GSG1L: variants seen among roughly 807,000 people sequenced by gnomAD.
GSG1L encodes the protein GSG1 like.
A neutral mutation model predicts 42.1 loss-of-function variants in GSG1L; 24 were observed. The observed-to-expected ratio is 0.57, with a 90% CI of 0.41 to 0.80. The LOEUF is 0.80. Among genes scored for constraint, GSG1L ranks in the 30% least tolerant of loss-of-function variants. GSG1L has a pLI of 0.00. For missense variants in GSG1L, 445 were observed against 472.2 expected, an observed-to-expected ratio of 0.94 and a Z score of 0.53; for synonymous variants, 215 against 203.5, an observed-to-expected ratio of 1.06 and a Z score of -0.48.
intron 3 of GSG1L, among the ~76,000 whole-genome samples, chr16:27,865,566 TATATATAC>T (rs1364011310): frequency 0.074 from 1,407 of 19,060 alleles, 104 homozygotes; most frequent in South Asian, 0.11. Flanking sequence ...TATATATATA[TATATATAC>T]ACACACACAT....
At chr16:27,958,498 A>G (rs2085032186) in intron 2 of GSG1L, among the ~76,000 whole-genome samples, 1 of 151,968 alleles carries the variant, frequency 6.6e-6, no homozygotes, top group African/African-American at 2.4e-5. Context: ...GACAAGTTCT[A>G]TGTACTGACA....
At chr16:27,862,926 AG>A (rs1233041484) in intron 3 of GSG1L, among the ~76,000 whole-genome samples, 4 of 151,628 alleles carry the variant, frequency 2.6e-5, no homozygotes. Context: ...TATATTCTCT[AG>A]GGTTTTTTTT....
intron 1 of GSG1L, among the ~76,000 whole-genome samples, chr16:28,043,951 A>G (rs529641235): frequency 6.6e-6 from 1 of 152,070 alleles, no homozygotes; most frequent in East Asian, 1.9e-4. Context: ...GAGCCCAGGA[A>G]GTCAAGGCTG....
In GSG1L at chr16:27,790,015, A is replaced by ATGGC. The variant is rs1262412356; in HGVS notation, c.*1354_*1355insGCCA. The stretch of plus-strand genomic sequence containing the variant: ...AGATGCTGGATGGATGGATGGATGG[A>ATGGC]TAGATGATGGATAGCTGATGAATGA... On this transcript the variant is annotated 3_prime_UTR_variant, in exon 7 of 7. Transcript: ENST00000447459. 5 of 151,806 alleles carry ATGGC rather than the reference A, an allele frequency of 3.3e-5. No individual in the cohort carries two copies. In the East Asian group the frequency reaches 9.8e-4, roughly 30 times the overall value. 9.4% of individuals were successfully genotyped at this position (151,806 alleles called of 1,614,324 possible).
chr16:28,026,469 G>C (rs915672171), intron 1 of GSG1L, among the ~76,000 whole-genome samples: 18 of 152,272 alleles, frequency 1.2e-4, no homozygotes, highest in Non-Finnish European at 2.4e-4. Flanking sequence ...AGAGGATCAG[G>C]GTGTGCACGA....
chr16:28,029,630 T>G (rs1376236214), intron 1 of GSG1L, among the ~76,000 whole-genome samples: 1 of 151,750 alleles, frequency 6.6e-6, no homozygotes, highest in African/African-American at 2.4e-5. Context: ...GATGGGTGGG[T>G]GGATCATGGG....
chr16:28,026,164 T>C (rs557187885), intron 1 of GSG1L, among the ~76,000 whole-genome samples: 33 of 152,112 alleles, frequency 2.2e-4, no homozygotes, highest in Non-Finnish European at 3.4e-4. Context: ...CACCCATGTC[T>C]CTCCCCACAG....
intron 1 of GSG1L, among the ~76,000 whole-genome samples, chr16:28,053,518 G>A (rs541390642): frequency 6.6e-5 from 10 of 152,272 alleles, no homozygotes; most frequent in Non-Finnish European, 7.4e-5. Context: ...TTCTTCATCC[G>A]TCTGGATGGG....
rs183465300 is a variant in GSG1L, at chr16:27,891,358, C to T, written c.398-6720G>A. Among the ~76,000 whole-genome samples the T allele has an allele frequency of 3.2e-3, 485 of 152,276 alleles. 3 individuals carry two copies. Among genetic ancestry groups the T allele is most frequent in the South Asian group, 0.017 (82 of 4,822 alleles). ...TGTGGTGCTAATAGGTCCTTAACAC[C>T]TTTCTAACACTTGTCAATTTTTTAA... On this transcript the variant is annotated intron_variant, in intron 2 of 6. Transcript: ENST00000447459.
At chr16:27,844,887 G>T in intron 4 of GSG1L, 63 bp downstream of exon 4, 1 of 760,952 alleles carries the variant, frequency 1.3e-6, no homozygotes, top group Non-Finnish European at 2.1e-6. Context: ...CTGAGCTGCT[G>T]AAGTCCCAGC....
intron 4 of GSG1L, among the ~76,000 whole-genome samples, chr16:27,834,427 G>A (rs914842805): frequency 1.3e-5 from 2 of 151,322 alleles, no homozygotes; most frequent in East Asian, 1.9e-4. Flanking sequence ...TTTTAATAAC[G>A]GTAATGTTAG....
chr16:27,913,825 T>C (rs2084419988), intron 2 of GSG1L, among the ~76,000 whole-genome samples: 1 of 152,082 alleles, frequency 6.6e-6, no homozygotes, highest in Non-Finnish European at 1.5e-5. Flanking sequence ...ACTCACAGAC[T>C]AAATTTAATT....
At chr16:27,894,714 G>A (rs998744801) in intron 2 of GSG1L, among the ~76,000 whole-genome samples, 2 of 152,226 alleles carry the variant, frequency 1.3e-5, no homozygotes, top group Non-Finnish European at 2.9e-5. Flanking sequence ...AGGCCATGGA[G>A]AGCTGTAGGG....
At chr16:27,895,351 T>A (rs975528890) in intron 2 of GSG1L, among the ~76,000 whole-genome samples, 3 of 152,142 alleles carry the variant, frequency 2.0e-5, no homozygotes, top group African/African-American at 7.2e-5. Context: ...CCGGTGCCCC[T>A]CAACCCTTCA....
chr16:28,014,654 ATTTTTTTT>A (rs3033619), intron 1 of GSG1L, among the ~76,000 whole-genome samples: 10 of 73,450 alleles, frequency 1.4e-4, no homozygotes, highest in East Asian at 3.9e-4. Context: ...CAGGCACGCT[ATTTTTTTT>A]TTTTTTTTTT....
chr16:27,889,508 CTTTTT>C (rs1466186936), intron 2 of GSG1L, among the ~76,000 whole-genome samples: 2 of 152,206 alleles, frequency 1.3e-5, no homozygotes, highest in African/African-American at 2.4e-5. Context: ...CCTAGGCTCT[CTTTTT>C]AGAGTTTCTG....
At chr16:27,888,166 G>A (rs1275633940) in intron 2 of GSG1L, 3 of 983,632 alleles carry the variant, frequency 3.0e-6, no homozygotes, top group Non-Finnish European at 3.6e-6. Context: ...CCTCCCCCAC[G>A]CAGCCCCCAC....
intron 3 of GSG1L, among the ~76,000 whole-genome samples, chr16:27,855,057 G>A (rs1055941928): frequency 4.6e-5 from 7 of 151,944 alleles, no homozygotes; most frequent in Non-Finnish European, 5.9e-5. Flanking sequence ...GCAAGACCTC[G>A]ACTCTTAAAA....
At position 27,828,823 on chromosome 16, in the gene GSG1L, T is replaced by A. The variant is rs201582359; in HGVS notation, c.796A>T (p.Ile266Leu). ...EQGYREEPTF[I>L]DPEAIKYFRE... The stretch of plus-strand genomic sequence containing the variant: ...AAGTACTTGATGGCCTCAGGGTCTA[T>A]GAAGGTCGGCTCTTCCCGGTAGCCC... The change falls in exon 5 of 7, where the codon ATA becomes TTA. Residue 266 changes from isoleucine to leucine, a missense_variant. By Grantham distance (5) the Ile-to-Leu change is conservative. Transcript: ENST00000447459. 28 of 1,614,158 alleles carry A rather than the reference T, an allele frequency of 1.7e-5. 1 individual carries two copies. In the Admixed American group the frequency reaches 4.2e-4, roughly 24 times the overall value.
Sources: gnomAD v4.1 joint callset for allele counts (sites outside exome capture counted in the v4.1 genomes callset) on GRCh38, gnomAD v4.1.1 for gene constraint, MANE v1.5 for transcripts, NCBI Gene and HGNC (gene_info 2026-07-23, HGNC 2026-07-21) for gene names.